ARFGEF1: variants seen among roughly 807,000 people sequenced by gnomAD.
ARFGEF1 encodes brefeldin A-inhibited guanine nucleotide-exchange protein 1.
Under a neutral mutation model 231.0 loss-of-function variants are expected in ARFGEF1, and 42 were observed. The ratio of observed to expected loss-of-function variants is 0.18; its 90% CI spans 0.14 to 0.24. The LOEUF (loss-of-function observed/expected upper bound fraction) is 0.24. Among genes scored for constraint, ARFGEF1 ranks in the 10% least tolerant of loss-of-function variants. ARFGEF1 has a pLI of 1.00. For missense variants in ARFGEF1, 1,345 were observed against 2,192.0 expected (o/e 0.61, Z 7.72); for synonymous variants, 710 against 732.3 (o/e 0.97, Z 0.49).
At chr8:67,295,854 A>G (rs1806209660) in intron 5 of ARFGEF1, among the ~76,000 whole-genome samples, 1 of 152,184 alleles carries the variant, frequency 6.6e-6, no homozygotes, top group African/African-American at 2.4e-5. Context: ...ATTGCTCTGA[A>G]AAATTTTTGC....
At chr8:67,318,603 T>C (rs1807437858) in intron 1 of ARFGEF1, among the ~76,000 whole-genome samples, 1 of 152,226 alleles carries the variant, frequency 6.6e-6, no homozygotes. Flanking sequence ...TAAATGAATT[T>C]AGCAAGGCTG....
At chr8:67,265,544 G>C (rs1322056198) in intron 14 of ARFGEF1, among the ~76,000 whole-genome samples, 1 of 152,136 alleles carries the variant, frequency 6.6e-6, no homozygotes, top group African/African-American at 2.4e-5. Flanking sequence ...ACACTAGCCA[G>C]GCTGGAAGAG....
At chr8:67,216,285 G>C (rs1039200550) in intron 33 of ARFGEF1, among the ~76,000 whole-genome samples, 2 of 152,122 alleles carry the variant, frequency 1.3e-5, no homozygotes, top group Non-Finnish European at 1.5e-5. Context: ...GAGAATTAGT[G>C]CCTTAAAAAA....
intron 7 of ARFGEF1, among the ~76,000 whole-genome samples, chr8:67,280,052 C>A (rs1243627277): frequency 6.6e-6 from 1 of 152,000 alleles, no homozygotes; most frequent in Admixed American, 6.5e-5. Flanking sequence ...GAGCATATCA[C>A]TGGATCATAA....
At chr8:67,319,923 T>A (rs1250771207) in intron 1 of ARFGEF1, among the ~76,000 whole-genome samples, 1 of 151,626 alleles carries the variant, frequency 6.6e-6, no homozygotes, top group African/African-American at 2.4e-5. Context: ...CAAATAAACA[T>A]AAAAAAAGAT....
chr8:67,270,676 T>C (rs1362724675), intron 10 of ARFGEF1, among the ~76,000 whole-genome samples: 2 of 150,596 alleles, frequency 1.3e-5, no homozygotes, highest in South Asian at 2.1e-4. Flanking sequence ...TAAGTTTTAT[T>C]TGAAGATGAA....
rs1554638965 is a variant in ARFGEF1, at chr8:67,236,349, T to TAAAAAAAAAA, written c.3289+1984_3289+1993dup. 9.3e-4 allele frequency among the ~76,000 whole-genome samples: 13 copies of TAAAAAAAAAA among 13,958 alleles called. 3 individuals are homozygous for TAAAAAAAAAA. The highest frequency in any genetic ancestry group is 8.5e-3 in the East Asian group (2 of 234). The allele number at this position is 13,958 out of a possible 152,430, so 9.2% of individuals were successfully genotyped here. On this transcript the variant is annotated intron_variant, in intron 22 of 38. Coordinates refer to ENST00000262215, the MANE Select transcript of ARFGEF1 (RefSeq NM_006421.5). The stretch of plus-strand genomic sequence containing the variant: ...AAAAAAAAAAAAAAAAGATATTAGT[T>TAAAAAAAAAA]AAAAAAAAAAAAAAAAATATATATA...
chr8:67,227,388 C>G, intron 26 of ARFGEF1, 59 bp downstream of exon 26: 1 of 1,598,180 alleles, frequency 6.3e-7, no homozygotes. Context: ...CTGTTTTTCT[C>G]CCTGCTGTGG....
rs946446814 is a variant in ARFGEF1, at chr8:67,238,210, A to G, written c.3289+133T>C. On this transcript the variant is annotated intron_variant, in intron 22 of 38. Coordinates refer to ENST00000262215, the MANE Select transcript of ARFGEF1 (RefSeq NM_006421.5). The stretch of plus-strand genomic sequence containing the variant: ...GCAAAAAAGATTTAGTTCCTTAGTC[A>G]TCTTGCTTTTTCTCATAAGGTTAGA... 3.6e-5 allele frequency: 33 copies of G among 908,204 alleles called. No individual in the cohort carries two copies. In the African/African-American group the frequency reaches 5.4e-4, roughly 15 times the overall value. 56.3% of individuals were successfully genotyped at this position (908,204 alleles called of 1,614,324 possible). A position where few individuals can be genotyped will look rare whatever the true frequency, so the allele number is the denominator to read the frequency against.
intron 19 of ARFGEF1, among the ~76,000 whole-genome samples, chr8:67,240,569 CATAAAA>C (rs1839898654): frequency 6.6e-6 from 1 of 152,096 alleles, no homozygotes; most frequent in Non-Finnish European, 1.5e-5. Context: ...AATCAATATT[CATAAAA>C]ATATTAGTTT....
chr8:67,227,665 T>C (rs1839420905), intron 25 of ARFGEF1, 67 bp from the exon 26 acceptor site: 1 of 1,539,770 alleles, frequency 6.5e-7, no homozygotes, highest in South Asian at 1.2e-5. Flanking sequence ...ATTCTTTATT[T>C]TTTGTTTTAG....
At chr8:67,214,455 T>C (rs1260392263) in intron 33 of ARFGEF1, among the ~76,000 whole-genome samples, 1 of 152,180 alleles carries the variant, frequency 6.6e-6, no homozygotes, top group African/African-American at 2.4e-5. Context: ...AAAGAACTGT[T>C]AAGCAAAAAG....
At chr8:67,237,928 T>C (rs1313272022) in intron 22 of ARFGEF1, among the ~76,000 whole-genome samples, 1 of 152,212 alleles carries the variant, frequency 6.6e-6, no homozygotes, top group South Asian at 2.1e-4. Flanking sequence ...CCTGGTCATA[T>C]TGAGCGCATG....
chr8:67,291,923 T>G lies in ARFGEF1; in HGVS notation c.840A>C (p.Thr280=). ...AAATATCAGATCCATTTTCAGGCTC[T>G]GTGTCATCCTGAAGACTTTTATCTA... ...NDVDKSLQDD[T]EPENGSDISS... The change falls in exon 6 of 39, where the codon ACA becomes ACC. Residue 280 remains threonine, a synonymous_variant. Transcript: ENST00000262215. 6.2e-7 allele frequency: 1 copy of G among 1,614,014 alleles called. No individual in the cohort carries two copies.
At chr8:67,322,579 T>C (rs1446977631) in intron 1 of ARFGEF1, among the ~76,000 whole-genome samples, 1 of 152,158 alleles carries the variant, frequency 6.6e-6, no homozygotes, top group African/African-American at 2.4e-5. Context: ...CATGTGACTA[T>C]AGTCCTAGCT....
In ARFGEF1 at chr8:67,258,129, T is replaced by G; in HGVS notation, c.2397A>C (p.Arg799=). 12 of 1,614,068 alleles carry G rather than the reference T, an allele frequency of 7.4e-6. No individual in the cohort carries two copies. The highest frequency in any genetic ancestry group is 1.0e-5 in the Non-Finnish European group (12 of 1,179,970). Residue 799 remains arginine, a synonymous_variant, in exon 16 of 39, where the codon CGA becomes CGC. Coordinates refer to ENST00000262215, the MANE Select transcript of ARFGEF1 (RefSeq NM_006421.5). The part of the protein sequence containing the change: ...RLPGEAQKID[R]LMEKFAARYL... ...ATCTTGCAGCAAATTTTTCCATTAATCGATCGATTTTCTGAGCTTCCCCTG... is the reference window on the plus strand; with the variant it reads ...ATCTTGCAGCAAATTTTTCCATTAAGCGATCGATTTTCTGAGCTTCCCCTG...
rs1808761080 is a variant in ARFGEF1, at chr8:67,343,526, G to C, written c.-239C>G. On this transcript the variant is annotated 5_prime_UTR_variant, in exon 1 of 39. Coordinates refer to ENST00000262215, the MANE Select transcript of ARFGEF1 (RefSeq NM_006421.5). Reference sequence around the variant, plus strand: ...AAGCCGTACCTCGAGGGCCGCGCCCGTCGGGCCTCCGCTTCTCCCGGCCCG... The same window carrying C: ...AAGCCGTACCTCGAGGGCCGCGCCCCTCGGGCCTCCGCTTCTCCCGGCCCG... The C allele has an allele frequency of 8.5e-7, 1 of 1,179,306 alleles. No individual in the cohort carries two copies. The highest frequency in any genetic ancestry group is 1.0e-6 in the Non-Finnish European group (1 of 952,464). The allele number at this position is 1,179,306 out of a possible 1,614,324, so 73.1% of individuals were successfully genotyped here.
At chr8:67,322,698 G>A (rs1054128583) in intron 1 of ARFGEF1, among the ~76,000 whole-genome samples, 14 of 152,210 alleles carry the variant, frequency 9.2e-5, no homozygotes, top group South Asian at 4.1e-4. Flanking sequence ...AAGTGAGACC[G>A]TCTCTTAAAA....
chr8:67,195,498 C>T (rs759903681), downstream of ARFGEF1: 6 of 1,614,206 alleles, frequency 3.7e-6, no homozygotes, highest in South Asian at 3.3e-5. Context: ...AACGCTGAAA[C>T]GTTTCATGGC....
Sources: gnomAD v4.1 joint callset for allele counts (sites outside exome capture counted in the v4.1 genomes callset) on GRCh38, gnomAD v4.1.1 for gene constraint, MANE v1.5 for transcripts, NCBI Gene and HGNC (gene_info 2026-07-23, HGNC 2026-07-21) for gene names.